FNDC4: variants seen among roughly 807,000 people sequenced by gnomAD.
FNDC4 encodes fibronectin type III domain-containing protein 4.
FNDC4 carries 11 observed loss-of-function variants against 25.1 expected under a neutral mutation model. The ratio of observed to expected loss-of-function variants is 0.44; its 90% confidence interval spans 0.28 to 0.73. The LOEUF is 0.73. Among genes scored for constraint, FNDC4 ranks in the 30% least tolerant of loss-of-function variants. The pLI is 0.16. For missense variants in FNDC4, 250 were observed against 304.3 expected, an observed-to-expected ratio of 0.82 and a Z score of 1.33; for synonymous variants, 136 against 118.8, an observed-to-expected ratio of 1.14 and a Z score of -0.94.
chr2:27,492,800 A>G lies in FNDC4; in HGVS notation c.545-10T>C, dbSNP rs1669286686. The G allele has an allele frequency of 6.2e-7, 1 of 1,613,892 alleles. No homozygotes were observed. The highest frequency in any genetic ancestry group is 1.1e-5 in the South Asian group (1 of 91,086). On this transcript the variant is annotated splice_polypyrimidine_tract_variant and intron_variant, in intron 5 of 6. Transcript: ENST00000264703. The surrounding 1 kb of genome is among the most constrained non-coding windows in gnomAD (Gnocchi z 4.1). ...AACAGCCCAATTACAGCTGAAACACAATACAGTCTGAGCCTTCATCTCCAC... is the reference window on the plus strand; with the variant it reads ...AACAGCCCAATTACAGCTGAAACACGATACAGTCTGAGCCTTCATCTCCAC...
In FNDC4 at chr2:27,494,625, A is replaced by G; in HGVS notation, c.55T>C (p.Ser19Pro). ...PPSGLRGDMA[S>P]LVPLSPYLSP... ...AGATATGGGGAAAGGGGCACCAGCG[A>G]AGCCATGTCCCCACGGAGTCCGCTG... The change falls in exon 2 of 7, where the codon TCG (serine) becomes CCG (proline). Residue 19 changes from serine (S) to proline (P), a missense_variant. Coordinates refer to ENST00000264703, the MANE Select transcript of FNDC4 (RefSeq NM_022823.3). The surrounding 1 kb of genome is among the most constrained non-coding windows in gnomAD (Gnocchi z 4.6). The G allele has an allele frequency of 2.5e-6, 4 of 1,606,834 alleles. No homozygotes were observed. Among genetic ancestry groups the G allele is most frequent in the Non-Finnish European group, 3.4e-6 (4 of 1,177,136 alleles).
chr2:27,493,889 C>T, intron 4 of FNDC4, 41 bp downstream of exon 4: 4 of 1,586,784 alleles, frequency 2.5e-6, no homozygotes, highest in Non-Finnish European at 3.5e-6. Flanking sequence ...AGGCTGCAAG[C>T]CAGGTAAGCA....
Position 27,494,369 on chromosome 2 carries a change from G to A in FNDC4, c.231C>T (p.Gly77=), listed in dbSNP as rs1165807781. ...WDVPEGNIVI[G]YSISQQRQNG... ...TTCATACTTGCTGGGAAATGGAGTAGCCAATGACGATGTTGCCTTCTGGGA... is the reference window on the plus strand; with the variant it reads ...TTCATACTTGCTGGGAAATGGAGTAACCAATGACGATGTTGCCTTCTGGGA... Residue 77 remains glycine (G), a synonymous_variant, in exon 3 of 7, where the codon GGC becomes GGT. Transcript: ENST00000264703. The surrounding 1 kb of genome is among the most constrained non-coding windows in gnomAD (Gnocchi z 4.6). 1.2e-6 allele frequency: 2 copies of A among 1,613,452 alleles called. No homozygotes were observed. The highest frequency in any genetic ancestry group is 1.7e-6 in the Non-Finnish European group (2 of 1,179,458).
Position 27,494,402 on chromosome 2 carries a change from G to T in FNDC4, c.198C>A (p.Ser66=), listed in dbSNP as rs868340223. Residue 66 remains serine (S), a synonymous_variant, in exon 3 of 7, where the codon TCC becomes TCA. Transcript: ENST00000264703. This position sits in a 1 kb window ranked among gnomAD's most constrained non-coding sequence, Gnocchi z 4.6. ...THLRANSATV[S]WDVPEGNIVI... Reference sequence around the variant, plus strand: ...CGATGTTGCCTTCTGGGACGTCCCAGGACACAGTGGCCGAGTTGGCTCTGA... The same window carrying T: ...CGATGTTGCCTTCTGGGACGTCCCATGACACAGTGGCCGAGTTGGCTCTGA... 1.9e-6 allele frequency: 3 copies of T among 1,614,232 alleles called. No homozygotes were observed. In the South Asian group the frequency reaches 3.3e-5, roughly 18 times the overall value.
In FNDC4 at chr2:27,494,734, G is replaced by T; in HGVS notation, c.-24-31C>A. 7.1e-7 allele frequency: 1 copy of T among 1,405,624 alleles called. No homozygotes were observed. Among genetic ancestry groups the T allele is most frequent in the Non-Finnish European group, 9.4e-7 (1 of 1,058,306 alleles). 87.1% of individuals were successfully genotyped at this position (1,405,624 alleles called of 1,614,324 possible). A position where few individuals can be genotyped will look rare whatever the true frequency, so the allele number is the denominator to read the frequency against. On this transcript the variant is annotated intron_variant, in intron 1 of 6. Coordinates refer to ENST00000264703, the MANE Select transcript of FNDC4 (RefSeq NM_022823.3). This position sits in a 1 kb window ranked among gnomAD's most constrained non-coding sequence, Gnocchi z 4.6. ...GATGGCAGGAGTTGTGGGGGGTCAAGGACTGCCCAGAACGCACGGAGGTCG... is the reference window on the plus strand; with the variant it reads ...GATGGCAGGAGTTGTGGGGGGTCAATGACTGCCCAGAACGCACGGAGGTCG...
rs374311394 is a variant in FNDC4 at position 27,492,448 on chromosome 2, C to A, written c.700G>T (p.Val234Phe). The A allele has an allele frequency of 3.1e-6, 5 of 1,614,146 alleles. No homozygotes were observed. The highest frequency in any genetic ancestry group is 4.2e-6 in the Non-Finnish European group (5 of 1,180,004). Residue 234 changes from valine to phenylalanine, a missense_variant, in exon 7 of 7, where the codon GTT becomes TTT. Transcript: ENST00000264703. This position sits in a 1 kb window ranked among gnomAD's most constrained non-coding sequence, Gnocchi z 4.1. ...KKSPSINTIDV is the reference protein window; with the variant it reads ...KKSPSINTIDF ...TTCTGGGTGTGTTTCTTCACTCAAACGTCGATGGTGTTGATAGATGGTGAC... is the reference window on the plus strand; with the variant it reads ...TTCTGGGTGTGTTTCTTCACTCAAAAGTCGATGGTGTTGATAGATGGTGAC...
rs753554624 is a variant in FNDC4 at position 27,494,731 on chromosome 2, C to A, written c.-24-28G>T. Reference sequence around the variant, plus strand: ...GGAGATGGCAGGAGTTGTGGGGGGTCAAGGACTGCCCAGAACGCACGGAGG... The same window carrying A: ...GGAGATGGCAGGAGTTGTGGGGGGTAAAGGACTGCCCAGAACGCACGGAGG... On this transcript the variant is annotated intron_variant, in intron 1 of 6. Coordinates refer to ENST00000264703, the MANE Select transcript of FNDC4 (RefSeq NM_022823.3). The surrounding 1 kb of genome is among the most constrained non-coding windows in gnomAD (Gnocchi z 4.6). 23 of 1,438,902 alleles carry A rather than the reference C, an allele frequency of 1.6e-5. No individual in the cohort carries two copies. The highest frequency in any genetic ancestry group is 2.7e-5 in the Admixed American group (1 of 37,196). The allele number at this position is 1,438,902 out of a possible 1,614,324, so 89.1% of individuals were successfully genotyped here.
In FNDC4 at chr2:27,492,846, A is replaced by G; in HGVS notation, c.545-56T>C. On this transcript the variant is annotated intron_variant, in intron 5 of 6. Transcript: ENST00000264703. This position sits in a 1 kb window ranked among gnomAD's most constrained non-coding sequence, Gnocchi z 4.1. Reference sequence around the variant, plus strand: ...TCCACTTCCCCCCTCATAGGGAGATACCTACGTAGCTTCTAGAAAATCCAT... The same window carrying G: ...TCCACTTCCCCCCTCATAGGGAGATGCCTACGTAGCTTCTAGAAAATCCAT... The G allele has an allele frequency of 1.2e-6, 2 of 1,604,252 alleles. No individual in the cohort carries two copies. Among genetic ancestry groups the G allele is most frequent in the Non-Finnish European group, 1.7e-6 (2 of 1,173,316 alleles).
intron 4 of FNDC4, 113 bp from the exon 5 acceptor site, chr2:27,493,591 T>G: frequency 1.1e-6 from 1 of 946,932 alleles, no homozygotes. Context: ...AATGTTGCCC[T>G]TGGAGTGTAG....
Position 27,494,001 on chromosome 2 carries a change from G to A in FNDC4, c.383C>T (p.Pro128Leu). The A allele has an allele frequency of 1.2e-6, 2 of 1,614,170 alleles. No homozygotes were observed. The highest frequency in any genetic ancestry group is 1.7e-6 in the Non-Finnish European group (2 of 1,180,032). The change falls in exon 4 of 7, where the codon CCC becomes CTC. Residue 128 changes from proline (P) to leucine (L), a missense_variant. Pro to Leu is a moderately conservative substitution (Grantham distance 98, BLOSUM62 -3). Coordinates refer to ENST00000264703, the MANE Select transcript of FNDC4 (RefSeq NM_022823.3). The surrounding 1 kb of genome is among the most constrained non-coding windows in gnomAD (Gnocchi z 4.6). ...VRSIGLRGESPPGPRVHFRTL... is the reference protein window; with the variant it reads ...VRSIGLRGESLPGPRVHFRTL... ...TCGGAAGTGCACCCGGGGCCCTGGG[G>A]GACTCTCTCCCCGAAGGCCGATGCT...
At position 27,492,231 on chromosome 2, in the gene FNDC4, G is replaced by A; in HGVS notation, c.*212C>T. The A allele has an allele frequency of 1.6e-6, 1 of 618,154 alleles. No individual in the cohort carries two copies. The highest frequency in any genetic ancestry group is 2.9e-6 in the Non-Finnish European group (1 of 345,600). 38.3% of individuals were successfully genotyped at this position (618,154 alleles called of 1,614,324 possible). On this transcript the variant is annotated 3_prime_UTR_variant, in exon 7 of 7. Coordinates refer to ENST00000264703, the MANE Select transcript of FNDC4 (RefSeq NM_022823.3). This position sits in a 1 kb window ranked among gnomAD's most constrained non-coding sequence, Gnocchi z 4.1. ...GGGAATGGAAGGAGATATCCCATCT[G>A]ATATCCACTCCCCAGGTCCAGGGGC...
chr2:27,494,498 C>T lies in FNDC4; in HGVS notation c.134-32G>A, dbSNP rs779221148. ...GAGCCAGGGTGTTTAACAGGTTTCA[C>T]CCATTGACTAGCTGTGGTTGACCCT... On this transcript the variant is annotated intron_variant, in intron 2 of 6. Coordinates refer to ENST00000264703, the MANE Select transcript of FNDC4 (RefSeq NM_022823.3). This position sits in a 1 kb window ranked among gnomAD's most constrained non-coding sequence, Gnocchi z 4.6. 6.2e-7 allele frequency: 1 copy of T among 1,613,350 alleles called. No homozygotes were observed. Among genetic ancestry groups the T allele is most frequent in the East Asian group, 2.2e-5 (1 of 44,828 alleles).
chr2:27,492,505 A>G lies in FNDC4; in HGVS notation c.670-27T>C. 1 of 1,609,388 alleles carries G rather than the reference A, an allele frequency of 6.2e-7. No individual in the cohort carries two copies. Among genetic ancestry groups the G allele is most frequent in the Non-Finnish European group, 8.5e-7 (1 of 1,175,738 alleles). ...TGTGAAAGAAAATGGCCTGAGTCTC[A>G]ACTTCAGGAAGGTAATAGGTGCCAC... On this transcript the variant is annotated intron_variant, in intron 6 of 6. Coordinates refer to ENST00000264703, the MANE Select transcript of FNDC4 (RefSeq NM_022823.3). The surrounding 1 kb of genome is among the most constrained non-coding windows in gnomAD (Gnocchi z 4.1).
In FNDC4 at chr2:27,494,772, TCTC is replaced by T; in HGVS notation, c.-24-72_-24-70del. 1.5e-6 allele frequency: 1 copy of T among 675,076 alleles called. No homozygotes were observed. Among genetic ancestry groups the T allele is most frequent in the Non-Finnish European group, 2.5e-6 (1 of 403,172 alleles). 41.8% of individuals were successfully genotyped at this position (675,076 alleles called of 1,614,324 possible). The stretch of plus-strand genomic sequence containing the variant: ...CGCACGGAGGTCGGGGGGCAGCAGC[TCTC>T]CTGGGCTCCCCACAGCTCACAACAG... On this transcript the variant is annotated intron_variant, in intron 1 of 6. Transcript: ENST00000264703. This position sits in a 1 kb window ranked among gnomAD's most constrained non-coding sequence, Gnocchi z 4.6.
Position 27,492,332 on chromosome 2 carries a change from G to T in FNDC4, c.*111C>A. ...ATGGGTACCAGGCCTGAGATTGTGGGAGTGGCATTACCCTCTGGGAGTCTC... is the reference window on the plus strand; with the variant it reads ...ATGGGTACCAGGCCTGAGATTGTGGTAGTGGCATTACCCTCTGGGAGTCTC... On this transcript the variant is annotated 3_prime_UTR_variant, in exon 7 of 7. Coordinates refer to ENST00000264703, the MANE Select transcript of FNDC4 (RefSeq NM_022823.3). This position sits in a 1 kb window ranked among gnomAD's most constrained non-coding sequence, Gnocchi z 4.1. 1 of 1,299,556 alleles carries T rather than the reference G, an allele frequency of 7.7e-7. No homozygotes were observed. Among genetic ancestry groups the T allele is most frequent in the Non-Finnish European group, 1.1e-6 (1 of 894,930 alleles). The allele number at this position is 1,299,556 out of a possible 1,614,324, so 80.5% of individuals were successfully genotyped here.
Position 27,492,600 on chromosome 2 carries a change from T to C in FNDC4, c.669+66A>G, listed in dbSNP as rs972634249. On this transcript the variant is annotated intron_variant, in intron 6 of 6. Coordinates refer to ENST00000264703, the MANE Select transcript of FNDC4 (RefSeq NM_022823.3). This position sits in a 1 kb window ranked among gnomAD's most constrained non-coding sequence, Gnocchi z 4.1. ...CTTTTTCTGCCCCTCTTTGACCTTC[T>C]TCCTTTCCCTGGCTGCCCCTCAGGG... 3 of 1,610,086 alleles carry C rather than the reference T, an allele frequency of 1.9e-6. No homozygotes were observed. The highest frequency in any genetic ancestry group is 2.6e-6 in the Non-Finnish European group (3 of 1,176,458).
At position 27,494,117 on chromosome 2, in the gene FNDC4, C is replaced by G; in HGVS notation, c.267G>C (p.Gly89=). Residue 89 remains glycine (G), a synonymous_variant, in exon 4 of 7, where the codon GGG becomes GGC. Coordinates refer to ENST00000264703, the MANE Select transcript of FNDC4 (RefSeq NM_022823.3). The surrounding 1 kb of genome is among the most constrained non-coding windows in gnomAD (Gnocchi z 4.6). ...TGTTCACCTCCCGAATCACACGCTG[C>G]CCGGGGCCATTCTGCCGCTGCAGGG... ...SISQQRQNGP[G]QRVIREVNTT... 6.2e-7 allele frequency: 1 copy of G among 1,613,958 alleles called. No homozygotes were observed. Among genetic ancestry groups the G allele is most frequent in the Non-Finnish European group, 8.5e-7 (1 of 1,179,990 alleles).
In FNDC4 at chr2:27,494,228, G is replaced by C; in HGVS notation, c.250-94C>G. 1 of 1,421,678 alleles carries C rather than the reference G, an allele frequency of 7.0e-7. No homozygotes were observed. The highest frequency in any genetic ancestry group is 1.2e-5 in the South Asian group (1 of 83,374). The allele number at this position is 1,421,678 out of a possible 1,614,324, so 88.1% of individuals were successfully genotyped here. A position where few individuals can be genotyped will look rare whatever the true frequency, so the allele number is the denominator to read the frequency against. On this transcript the variant is annotated intron_variant, in intron 3 of 6. Coordinates refer to ENST00000264703, the MANE Select transcript of FNDC4 (RefSeq NM_022823.3). This position sits in a 1 kb window ranked among gnomAD's most constrained non-coding sequence, Gnocchi z 4.6. ...CTCTTCAACATCCAAGCACTCCGGG[G>C]GAGTAGCGTGAAAAGGGCAGCCTGA...
At position 27,494,653 on chromosome 2, in the gene FNDC4, G is replaced by T. The variant is rs1669339660; in HGVS notation, c.27C>A (p.Pro9=). 9 of 1,582,154 alleles carry T rather than the reference G, an allele frequency of 5.7e-6. No individual in the cohort carries two copies. Among genetic ancestry groups the T allele is most frequent in the African/African-American group, 1.4e-5 (1 of 73,374 alleles). MPSGCHSS[P]PSGLRGDMAS... is the part of the protein sequence containing the mutation. ...CCATGTCCCCACGGAGTCCGCTGGG[G>T]GGGGAACTGTGGCATCCGCTTGGCA... Residue 9 remains proline, a synonymous_variant, in exon 2 of 7, where the codon CCC becomes CCA. Coordinates refer to ENST00000264703, the MANE Select transcript of FNDC4 (RefSeq NM_022823.3). The surrounding 1 kb of genome is among the most constrained non-coding windows in gnomAD (Gnocchi z 4.6).
Sources: allele counts gnomAD v4.1 joint callset, GRCh38; gene constraint gnomAD v4.1.1; non-coding constraint Gnocchi (gnomAD v3.1); transcripts MANE v1.5; gene names NCBI Gene and HGNC (gene_info 2026-07-23, HGNC 2026-07-21).